Variants in AKAP6 observed in about 807,000 individuals in gnomAD.
AKAP6 encodes the protein A-kinase anchor protein 6.
In AKAP6, 58 loss-of-function variants were observed where a neutral mutation model predicts 188.5. The observed-to-expected ratio is 0.31, with a 90% CI of 0.25 to 0.38. The LOEUF (loss-of-function observed/expected upper bound fraction) is 0.38, where lower values mean the gene tolerates loss of function less well. Ranked by LOEUF, AKAP6 falls within the 10% of genes least tolerant of loss-of-function variation. The pLI, the probability that AKAP6 is intolerant of heterozygous loss-of-function variation, is 1.00. For missense variants in AKAP6, 2,710 were observed against 2,740.0 expected (o/e 0.99, Z 0.24); for synonymous variants, 989 against 998.6 (o/e 0.99, Z 0.18).
intron 7 of AKAP6, among the ~76,000 whole-genome samples, chr14:32,672,285 C>G (rs145597151): frequency 1.4e-3 from 214 of 152,300 alleles, no homozygotes; most frequent in African/African-American, 4.8e-3. Flanking sequence ...AATAGCAAAG[C>G]AATTGTATTA....
intron 12 of AKAP6, among the ~76,000 whole-genome samples, chr14:32,789,334 G>C (rs1410812216): frequency 2.6e-5 from 4 of 152,232 alleles, no homozygotes; most frequent in African/African-American, 9.6e-5. Context: ...GGACGCGGAA[G>C]GGTCTCTCCC....
chr14:32,704,151 G>A (rs1464940921), intron 9 of AKAP6, among the ~76,000 whole-genome samples: 1 of 152,086 alleles, frequency 6.6e-6, no homozygotes, highest in Non-Finnish European at 1.5e-5. Context: ...TAACCATCAT[G>A]TTAAAATCCA....
intron 2 of AKAP6, among the ~76,000 whole-genome samples, chr14:32,459,741 A>ACT: frequency 6.8e-6 from 1 of 147,668 alleles, no homozygotes; most frequent in South Asian, 2.1e-4. Flanking sequence ...TTGTCAACTG[A>ACT]TTTTTTTTTT....
chr14:32,345,068 T>C (rs951466790), intron 1 of AKAP6, among the ~76,000 whole-genome samples: 1 of 152,148 alleles, frequency 6.6e-6, no homozygotes, highest in Non-Finnish European at 1.5e-5. Context: ...TATTTATATA[T>C]CAAATTTTGT....
intron 7 of AKAP6, among the ~76,000 whole-genome samples, chr14:32,629,241 A>G (rs1027699439): frequency 1.3e-5 from 2 of 152,080 alleles, no homozygotes; most frequent in African/African-American, 4.8e-5. Context: ...CAGCAAAGAT[A>G]TTTGCTAGAA....
intron 7 of AKAP6, among the ~76,000 whole-genome samples, chr14:32,614,542 A>T (rs900262043): frequency 5.8e-4 from 89 of 152,282 alleles, no homozygotes; most frequent in African/African-American, 2.0e-3. Flanking sequence ...CATAAAAGGG[A>T]GTGTGTTGGG....
intron 2 of AKAP6, among the ~76,000 whole-genome samples, chr14:32,456,443 T>G (rs1347718631): frequency 6.6e-6 from 1 of 152,208 alleles, no homozygotes; most frequent in Non-Finnish European, 1.5e-5. Flanking sequence ...AAAGCTATAA[T>G]ACTATTTAAA....
At chr14:32,748,016 T>C (rs373048232) in intron 11 of AKAP6, among the ~76,000 whole-genome samples, 92 of 152,316 alleles carry the variant, frequency 6.0e-4, no homozygotes, top group African/African-American at 2.1e-3. Flanking sequence ...ATCTCACCCA[T>C]CTTTACTTAT....
In AKAP6 at chr14:32,546,373, A is replaced by G; in HGVS notation, c.1720A>G (p.Ser574Gly). The change falls in exon 4 of 14, where the codon AGT becomes GGT. Residue 574 changes from serine to glycine, a missense_variant. Transcript: ENST00000280979. ...AKLQLQSETS[S>G]SPAFTQSSES... ...ATTGCAATTGCAGTCAGAAACATCC[A>G]GTTCACCAGCTTTTACTCAGAGCAG... is the stretch of plus-strand genomic sequence containing the variant. 2 of 1,614,216 alleles carry G rather than the reference A, an allele frequency of 1.2e-6. No homozygotes were observed. Among genetic ancestry groups the G allele is most frequent in the South Asian group, 1.1e-5 (1 of 91,086 alleles).
At position 32,671,062 on chromosome 14, in the gene AKAP6, A is replaced by G. The variant is rs1594831567; in HGVS notation, c.2731-7249A>G. 2.6e-5 allele frequency among the ~76,000 whole-genome samples: 4 copies of G among 152,216 alleles called. No homozygotes were observed. In the South Asian group the frequency reaches 8.3e-4, roughly 31 times the overall value. ...CTGAGGGAAGATGGACAATATAAAAAAAAGTGACATGTTCAGCTACATGTG... is the reference window on the plus strand; with the variant it reads ...CTGAGGGAAGATGGACAATATAAAAGAAAGTGACATGTTCAGCTACATGTG... On this transcript the variant is annotated intron_variant, in intron 7 of 13. Coordinates refer to ENST00000280979, the MANE Select transcript of AKAP6 (RefSeq NM_004274.5).
chr14:32,518,219 G>A (rs1479236259), intron 2 of AKAP6, among the ~76,000 whole-genome samples: 1 of 152,178 alleles, frequency 6.6e-6, no homozygotes. Flanking sequence ...ACCAAAGGTA[G>A]ACAAAACCAC....
intron 1 of AKAP6, among the ~76,000 whole-genome samples, chr14:32,393,537 T>C (rs1269046635): frequency 2.6e-5 from 4 of 152,192 alleles, no homozygotes; most frequent in Non-Finnish European, 5.9e-5. Flanking sequence ...GATGAGTTCA[T>C]AATATTTCAT....
chr14:32,660,076 G>A (rs1236928902), intron 7 of AKAP6, among the ~76,000 whole-genome samples: 1 of 152,140 alleles, frequency 6.6e-6, no homozygotes, highest in Non-Finnish European at 1.5e-5. Flanking sequence ...TTGTCTTAAT[G>A]GCAGAACCTA....
At chr14:32,741,500 C>T (rs544018691) in intron 11 of AKAP6, among the ~76,000 whole-genome samples, 2 of 151,846 alleles carry the variant, frequency 1.3e-5, no homozygotes, top group East Asian at 1.9e-4. Flanking sequence ...GTGGCTCGGT[C>T]GTATATAGCT....
At chr14:32,501,018 A>G (rs1207164357) in intron 2 of AKAP6, among the ~76,000 whole-genome samples, 1 of 152,156 alleles carries the variant, frequency 6.6e-6, no homozygotes, top group African/African-American at 2.4e-5. Flanking sequence ...GCTCTGCTCT[A>G]TCAGTTATTC....
chr14:32,589,655 C>A (rs1885400080), intron 5 of AKAP6, among the ~76,000 whole-genome samples: 1 of 152,148 alleles, frequency 6.6e-6, no homozygotes, highest in Admixed American at 6.5e-5. Context: ...ACTCTTGGGC[C>A]ATAATACCCA....
At chr14:32,345,200 T>C (rs1197438193) in intron 1 of AKAP6, among the ~76,000 whole-genome samples, 1 of 152,210 alleles carries the variant, frequency 6.6e-6, no homozygotes, top group Non-Finnish European at 1.5e-5. Context: ...TATTTTAAAA[T>C]GTGCATTTAC....
chr14:32,610,172 C>CA (rs754621539), intron 7 of AKAP6, among the ~76,000 whole-genome samples: 2 of 151,992 alleles, frequency 1.3e-5, no homozygotes, highest in Non-Finnish European at 2.9e-5. Flanking sequence ...CCTTTACTGA[C>CA]AAAAAAACTT....
intron 1 of AKAP6, among the ~76,000 whole-genome samples, chr14:32,351,012 TA>T (rs1432316817): frequency 1.5e-5 from 2 of 136,554 alleles, no homozygotes; most frequent in African/African-American, 5.8e-5. Context: ...TCCTATGGCT[TA>T]TTTTTTTTGT....
Sources: allele counts gnomAD v4.1 joint callset (sites outside exome capture counted in the v4.1 genomes callset), GRCh38; gene constraint gnomAD v4.1.1; transcripts MANE v1.5; gene names NCBI Gene and HGNC (gene_info 2026-07-23, HGNC 2026-07-21).